MAPK10: variants seen among roughly 807,000 people sequenced by gnomAD.
The protein encoded by MAPK10 is JNK3 alpha protein kinase.
MAPK10 carries 25 observed loss-of-function variants against 59.3 expected under a neutral mutation model. The ratio of observed to expected loss-of-function variants is 0.42; its 90% CI spans 0.31 to 0.59. MAPK10 has a LOEUF of 0.59. Ranked by LOEUF, MAPK10 falls within the 20% of genes least tolerant of loss-of-function variation. The pLI, the probability that MAPK10 is intolerant of heterozygous loss-of-function variation, is 0.15. For synonymous variants in MAPK10, 190 were observed against 200.5 expected, an observed-to-expected ratio of 0.95 and a Z score of 0.44; for missense variants, 351 against 568.9, an observed-to-expected ratio of 0.62 and a Z score of 3.90.
intron 4 of MAPK10, among the ~76,000 whole-genome samples, chr4:86,155,835 T>C (rs2067605935): frequency 6.6e-6 from 1 of 152,046 alleles, no homozygotes; most frequent in African/African-American, 2.4e-5. Flanking sequence ...ACTACTTTTG[T>C]ATTTTGGAGC....
chr4:86,425,735 G>A (rs1216081191), intron 1 of MAPK10, among the ~76,000 whole-genome samples: 1 of 152,190 alleles, frequency 6.6e-6, no homozygotes, highest in Non-Finnish European at 1.5e-5. Context: ...CACTTTGGGA[G>A]GCCAAGGCAG....
At chr4:86,285,168 G>T (rs1220547190) in intron 2 of MAPK10, among the ~76,000 whole-genome samples, 1 of 151,974 alleles carries the variant, frequency 6.6e-6, no homozygotes, top group East Asian at 1.9e-4. Flanking sequence ...CCAAAATCAT[G>T]GAATCTTACC....
intron 1 of MAPK10, among the ~76,000 whole-genome samples, chr4:86,562,599 G>A (rs1367065631): frequency 6.6e-6 from 1 of 151,528 alleles, no homozygotes; most frequent in East Asian, 2.0e-4. Flanking sequence ...GGAGGTTGAG[G>A]TGGGAAGATT....
At chr4:86,316,387 T>A (rs964518362) in intron 2 of MAPK10, among the ~76,000 whole-genome samples, 1 of 152,100 alleles carries the variant, frequency 6.6e-6, no homozygotes, top group Admixed American at 6.6e-5. Context: ...AGAGAGAGAA[T>A]TGACATATAA....
intron 1 of MAPK10, among the ~76,000 whole-genome samples, chr4:86,539,129 A>G (rs763603365): frequency 1.3e-5 from 2 of 152,170 alleles, no homozygotes; most frequent in Non-Finnish European, 2.9e-5. Flanking sequence ...TATTCTAAGG[A>G]AGAAATTAGA....
At chr4:86,431,219 A>C (rs1220215513) in intron 1 of MAPK10, among the ~76,000 whole-genome samples, 3 of 152,242 alleles carry the variant, frequency 2.0e-5, no homozygotes, top group Non-Finnish European at 2.9e-5. Context: ...TAATTCCAAT[A>C]ATATATAAAG....
intron 2 of MAPK10, among the ~76,000 whole-genome samples, chr4:86,304,585 G>T (rs2095533314): frequency 6.6e-6 from 1 of 151,172 alleles, no homozygotes; most frequent in East Asian, 1.9e-4. Flanking sequence ...GTAGAGACGG[G>T]GTTTCACCGT....
chr4:86,562,576 T>G (rs1045025331), intron 1 of MAPK10, among the ~76,000 whole-genome samples: 1 of 151,642 alleles, frequency 6.6e-6, no homozygotes, highest in Non-Finnish European at 1.5e-5. Flanking sequence ...ATGCTTGTAG[T>G]CCCAGCTACT....
intron 1 of MAPK10, among the ~76,000 whole-genome samples, chr4:86,424,174 T>C (rs1579166219): frequency 6.6e-6 from 1 of 150,888 alleles, no homozygotes; most frequent in South Asian, 2.1e-4. Context: ...TCTTCAAGTC[T>C]TTTTTTTTCA....
At position 86,074,537 on chromosome 4, in the gene MAPK10, G is replaced by T. The variant is rs914970539; in HGVS notation, c.803-6582C>A. On this transcript the variant is annotated intron_variant, in intron 9 of 13. Coordinates refer to ENST00000641462, the MANE Select transcript of MAPK10 (RefSeq NM_138982.4). ...GATTTTGCAGTGGCTGGTACTGGTT[G>T]TTCCTTTCCATGTTTAGCGCTTCCT... is the stretch of plus-strand genomic sequence containing the variant. Among the ~76,000 whole-genome samples the T allele has an allele frequency of 5.3e-5, 7 of 132,628 alleles. 1 individual carries two copies. The highest frequency in any genetic ancestry group is 4.3e-4 in the Admixed American group (6 of 13,886). The allele number at this position is 132,628 out of a possible 152,430, so 87.0% of individuals were successfully genotyped here.
intron 11 of MAPK10, among the ~76,000 whole-genome samples, chr4:86,047,835 T>C (rs978084055): frequency 6.6e-6 from 1 of 152,154 alleles, no homozygotes; most frequent in African/African-American, 2.4e-5. Context: ...TGAGGAATTA[T>C]GTGAATGTAA....
At chr4:86,082,296 CTATT>C (rs1382577362) in intron 9 of MAPK10, 1 of 152,102 alleles carries the variant, frequency 6.6e-6, no homozygotes, top group Non-Finnish European at 1.5e-5. Context: ...ATATGTGTGT[CTATT>C]TATTAATCTT....
At chr4:86,532,209 CTT>C (rs1757907759) in intron 1 of MAPK10, among the ~76,000 whole-genome samples, 1 of 151,836 alleles carries the variant, frequency 6.6e-6, no homozygotes, top group Non-Finnish European at 1.5e-5. Context: ...GAATTTAAGA[CTT>C]TGTGCTTCAC....
At chr4:86,179,344 T>A (rs1204960437) in intron 3 of MAPK10, among the ~76,000 whole-genome samples, 1 of 151,776 alleles carries the variant, frequency 6.6e-6, no homozygotes, top group East Asian at 1.9e-4. Flanking sequence ...AAAACACCGA[T>A]GAAAGAAATT....
chr4:86,230,330 G>C (rs2091358525), intron 2 of MAPK10, among the ~76,000 whole-genome samples: 1 of 152,156 alleles, frequency 6.6e-6, no homozygotes, highest in East Asian at 1.9e-4. Flanking sequence ...ACTTTAAATT[G>C]TATCACTCAA....
chr4:86,048,322 T>C (rs1467764986), intron 11 of MAPK10, among the ~76,000 whole-genome samples: 1 of 152,010 alleles, frequency 6.6e-6, no homozygotes, highest in East Asian at 1.9e-4. Flanking sequence ...GATAATGGCA[T>C]ATGGAAGGTT....
chr4:86,263,962 C>T (rs2094123685), intron 2 of MAPK10, among the ~76,000 whole-genome samples: 1 of 152,166 alleles, frequency 6.6e-6, no homozygotes, highest in South Asian at 2.1e-4. Context: ...CTGCAAAAAT[C>T]TCTCATTGCT....
chr4:86,051,419 T>G (rs917797815), intron 11 of MAPK10, among the ~76,000 whole-genome samples: 1 of 152,202 alleles, frequency 6.6e-6, no homozygotes, highest in African/African-American at 2.4e-5. Flanking sequence ...ATCTGAAGGT[T>G]ACCATGATTT....
At chr4:86,109,359 C>T (rs1414398307) in intron 4 of MAPK10, among the ~76,000 whole-genome samples, 2 of 152,122 alleles carry the variant, frequency 1.3e-5, no homozygotes, top group Non-Finnish European at 2.9e-5. Context: ...CATGCATTAG[C>T]TATTTTTCCT....
Sources: gnomAD v4.1 joint callset for allele counts (sites outside exome capture counted in the v4.1 genomes callset) on GRCh38, gnomAD v4.1.1 for gene constraint, MANE v1.5 for transcripts, NCBI Gene and HGNC (gene_info 2026-07-23, HGNC 2026-07-21) for gene names.